Variants in ARCN1 observed in about 807,000 individuals in gnomAD.
The protein encoded by ARCN1 is coatomer subunit delta.
In ARCN1, 5 loss-of-function variants were observed where a neutral mutation model predicts 60.4. That is an observed-to-expected ratio of 0.08 (90% CI 0.04 to 0.17). The LOEUF is 0.17. Ranked by LOEUF, ARCN1 falls within the 10% of genes least tolerant of loss-of-function variation. The pLI is 1.00. For synonymous variants in ARCN1, 224 were observed against 220.0 expected, an observed-to-expected ratio of 1.02 and a Z score of -0.16; for missense variants, 464 against 626.5, an observed-to-expected ratio of 0.74 and a Z score of 2.77.
intron 1 of ARCN1, among the ~76,000 whole-genome samples, chr11:118,579,715 T>A (rs1350040205): frequency 6.6e-6 from 1 of 151,766 alleles, no homozygotes. Flanking sequence ...GCAAAAATAG[T>A]CAAATATGTT....
In ARCN1 at chr11:118,600,660, C is replaced by T. The variant is rs369999847; in HGVS notation, c.1482C>T (p.Pro494=). 2.0e-5 allele frequency: 32 copies of T among 1,611,936 alleles called. No homozygotes were observed. Among genetic ancestry groups the T allele is most frequent in the Admixed American group, 8.4e-5 (5 of 59,744 alleles). ...TKVTQVDGNS[P]VRFSTETTFL... ...TGACCCAGGTAGATGGAAACAGCCC[C>T]GTCAGGTTTTCCACAGAGACCACTT... Residue 494 remains proline, a synonymous_variant, in exon 10 of 10, where the codon CCC becomes CCT. Transcript: ENST00000264028.
Position 118,590,459 on chromosome 11 carries a change from A to G in ARCN1, c.937A>G (p.Ile313Val). The change falls in exon 6 of 10, where the codon ATT becomes GTT. Residue 313 changes from isoleucine (I) to valine (V), a missense_variant. By Grantham distance (29) the Ile-to-Val change is conservative. Around this residue, in one of 2 missense-constraint regions of ARCN1, gnomAD observed 359 missense variants for 440.2 expected, o/e 0.82. Transcript: ENST00000264028. Reference protein sequence around the residue: ...LRISDDKYGRIRLHVENEDKK... With the variant: ...LRISDDKYGRVRLHVENEDKK... ...GATCTCAGATGACAAGTATGGCCGA[A>G]TTCGTCTTCATGTGGAAAATGAAGA... The G allele has an allele frequency of 6.2e-7, 1 of 1,614,232 alleles. No homozygotes were observed. Among genetic ancestry groups the G allele is most frequent in the Non-Finnish European group, 8.5e-7 (1 of 1,180,044 alleles).
intron 8 of ARCN1, among the ~76,000 whole-genome samples, chr11:118,596,334 C>T (rs1555077157): frequency 1.3e-5 from 2 of 152,156 alleles, no homozygotes; most frequent in African/African-American, 4.8e-5. Context: ...GTTTACTAGA[C>T]TATTTATAGA....
At chr11:118,597,590 G>T in intron 8 of ARCN1, 117 bp from the exon 9 acceptor site, 2 of 1,032,628 alleles carry the variant, frequency 1.9e-6, no homozygotes, top group Non-Finnish European at 2.8e-6. Context: ...TTTTTCCCCT[G>T]AAATTGTAGT....
intron 6 of ARCN1, among the ~76,000 whole-genome samples, chr11:118,592,035 C>T (rs1938924701): frequency 6.6e-6 from 1 of 151,966 alleles, no homozygotes; most frequent in Non-Finnish European, 1.5e-5. Context: ...ATTCTCCTGC[C>T]TCAGCCTCTC....
At chr11:118,574,238 A>G (rs1317251708) in intron 1 of ARCN1, among the ~76,000 whole-genome samples, 1 of 152,188 alleles carries the variant, frequency 6.6e-6, no homozygotes, top group Non-Finnish European at 1.5e-5. Flanking sequence ...AATTTATCTC[A>G]GTACATTCTG....
In ARCN1 at chr11:118,581,186, T is replaced by C. The variant is rs11216911; in HGVS notation, c.4-60T>C. 0.15 allele frequency: 240,630 copies of C among 1,585,344 alleles called. 23,619 individuals carry two copies. The highest frequency in any genetic ancestry group is 0.49 in the East Asian group (21,826 of 44,458). ...TCATTCTATGGAACATTTCCTGAGA[T>C]GCTGAGAAAACAGATGTGAAGAAAT... On this transcript the variant is annotated intron_variant, in intron 1 of 9. Transcript: ENST00000264028.
chr11:118,573,416 AG>A (rs782009052), intron 1 of ARCN1, among the ~76,000 whole-genome samples: 2 of 152,162 alleles, frequency 1.3e-5, no homozygotes, highest in African/African-American at 2.4e-5. Context: ...AGGATGAGAA[AG>A]GTTAATGTGG....
intron 1 of ARCN1, among the ~76,000 whole-genome samples, chr11:118,575,917 A>G (rs1938485587): frequency 6.6e-6 from 1 of 152,060 alleles, no homozygotes; most frequent in South Asian, 2.1e-4. Flanking sequence ...CAAAGTGGTT[A>G]GAACTGGAGC....
At chr11:118,598,416 T>C (rs1591392918) in intron 9 of ARCN1, among the ~76,000 whole-genome samples, 1 of 152,138 alleles carries the variant, frequency 6.6e-6, no homozygotes, top group African/African-American at 2.4e-5. Context: ...CAAATAATCA[T>C]GAGCCAATTC....
chr11:118,584,879 G>A (rs1297533712), intron 5 of ARCN1, among the ~76,000 whole-genome samples: 1 of 151,922 alleles, frequency 6.6e-6, no homozygotes, highest in Admixed American at 6.6e-5. Context: ...AGGCTGGAGT[G>A]CAGTGGTGTG....
intron 1 of ARCN1, chr11:118,573,752 T>C (rs1555072916): frequency 1.5e-6 from 1 of 668,170 alleles, no homozygotes; most frequent in East Asian, 2.8e-5. Context: ...TGCTTGGACT[T>C]TAGGCCACTG....
At chr11:118,579,318 A>G (rs1181487956) in intron 1 of ARCN1, among the ~76,000 whole-genome samples, 1 of 152,140 alleles carries the variant, frequency 6.6e-6, no homozygotes, top group African/African-American at 2.4e-5. Flanking sequence ...GGAATTCCCT[A>G]CTTTTCTGAT....
rs1555078273 is a variant in ARCN1, at chr11:118,602,259, A to G, written c.*1545A>G. The G allele has an allele frequency of 6.5e-6, 1 of 154,256 alleles. No individual in the cohort carries two copies. The highest frequency in any genetic ancestry group is 2.4e-5 in the African/African-American group (1 of 41,266). The allele number at this position is 154,256 out of a possible 1,614,324, so 9.6% of individuals were successfully genotyped here. On this transcript the variant is annotated 3_prime_UTR_variant, in exon 10 of 10. Coordinates refer to ENST00000264028, the MANE Select transcript of ARCN1 (RefSeq NM_001655.5). ...AAATCCTTCCTTCTCTTTCCCCCTA[A>G]GTCTTTTGAGTGTCATCATGTACTG...
At chr11:118,582,668 G>A (rs1938684911) in intron 2 of ARCN1, among the ~76,000 whole-genome samples, 2 of 150,824 alleles carry the variant, frequency 1.3e-5, no homozygotes, top group Non-Finnish European at 3.0e-5. Flanking sequence ...GGGGGTTGCA[G>A]TGAGCCGAGA....
At chr11:118,581,223 A>T in intron 1 of ARCN1, 23 bp from the exon 2 acceptor site, 2 of 1,612,566 alleles carry the variant, frequency 1.2e-6, no homozygotes, top group Non-Finnish European at 1.7e-6. Context: ...ATTAGTACTT[A>T]CTTATGCATA....
chr11:118,593,547 C>G (rs1555076655), intron 7 of ARCN1, 43 bp from the exon 8 acceptor site: 1 of 1,435,812 alleles, frequency 7.0e-7, no homozygotes, highest in South Asian at 1.1e-5. Flanking sequence ...ACCCAGCCAT[C>G]TTTTTCTAAT....
chr11:118,584,474 A>G lies in ARCN1; in HGVS notation c.654-6A>G. ...TGGGTAATGAATTTCAAATTCTTCC[A>G]CTTAGGCCTTCAGGCCCCAGCAAGG... On this transcript the variant is annotated splice_region_variant and splice_polypyrimidine_tract_variant and intron_variant, in intron 4 of 9. Coordinates refer to ENST00000264028, the MANE Select transcript of ARCN1 (RefSeq NM_001655.5). 2.5e-6 allele frequency: 4 copies of G among 1,602,988 alleles called. No individual in the cohort carries two copies. Among genetic ancestry groups the G allele is most frequent in the Non-Finnish European group, 3.4e-6 (4 of 1,176,940 alleles).
At chr11:118,587,165 C>T (rs950170863) in intron 5 of ARCN1, among the ~76,000 whole-genome samples, 3 of 152,154 alleles carry the variant, frequency 2.0e-5, no homozygotes, top group Admixed American at 6.6e-5. Flanking sequence ...TAATACTTGC[C>T]TCTAGCAGCA....
Sources: allele counts gnomAD v4.1 joint callset (sites outside exome capture counted in the v4.1 genomes callset), GRCh38; gene constraint gnomAD v4.1.1; regional missense constraint gnomAD v4.1.1; transcripts MANE v1.5; gene names NCBI Gene and HGNC (gene_info 2026-07-23, HGNC 2026-07-21).